Variants in TAF6 observed in about 807,000 individuals in gnomAD.
The protein encoded by TAF6 is TATA-box binding protein associated factor 6, also known as transcription initiation factor TFIID subunit 6.
A neutral mutation model predicts 73.5 loss-of-function variants in TAF6; 50 were observed. The ratio of observed to expected loss-of-function variants is 0.68; its 90% CI spans 0.54 to 0.86. TAF6 has a LOEUF of 0.86. TAF6 is among the 40% of genes least tolerant of loss of function. The probability of loss-of-function intolerance (pLI) is 0.00; values close to 1 mark genes in which losing one functional copy is unlikely to be tolerated. For synonymous variants in TAF6, 424 were observed against 376.7 expected (o/e 1.13, Z -1.45); for missense variants, 768 against 899.5 (o/e 0.85, Z 1.87).
chr7:100,111,885 A>G, intron 8 of TAF6, 37 bp downstream of exon 8: 1 of 1,614,118 alleles, frequency 6.2e-7, no homozygotes, highest in Non-Finnish European at 8.5e-7. Context: ...AGGAGCTTCC[A>G]CTGCCGTCCC....
At chr7:100,121,109 T>TATATATATATAC (rs1407495343), upstream of TAF6, 24 of 25,930 alleles carry the variant, frequency 9.3e-4, no homozygotes, top group Non-Finnish European at 2.1e-3. Flanking sequence ...TATATATATA[T>TATATATATATAC]ATATATATTT....
At chr7:100,124,911 A>G in the TAF6 span, 1 of 1,563,660 alleles carries the variant, frequency 6.4e-7, no homozygotes. Flanking sequence ...AGCCCCCAGG[A>G]GGGGAAGGGA....
rs1045136764 is a variant in TAF6, at chr7:100,108,297, G to A, written c.1458+70C>T. ...TGACTGAGGGCACATGTGGCTGTGT[G>A]CAAGTGCCTGTCCCACACAGGGGTT... On this transcript the variant is annotated intron_variant, in intron 13 of 14. Transcript: ENST00000453269. The A allele has an allele frequency of 9.2e-6, 14 of 1,522,910 alleles. No individual in the cohort carries two copies. The Middle Eastern group carries it at 1.4e-3, about 154-fold the overall frequency. The allele number at this position is 1,522,910 out of a possible 1,614,324, so 94.3% of individuals were successfully genotyped here.
At position 100,110,132 on chromosome 7, in the gene TAF6, G is replaced by A. The variant is rs1310894102; in HGVS notation, c.1159-59C>T. ...AGGGTCACCAGGGTCTCCCAGATGG[G>A]GGTACAGTGCCCTCTATAACCTCAT... On this transcript the variant is annotated intron_variant, in intron 11 of 14. Coordinates refer to ENST00000453269, the MANE Select transcript of TAF6 (RefSeq NM_139315.3). 8.1e-6 allele frequency: 13 copies of A among 1,613,916 alleles called. No individual in the cohort carries two copies. The East Asian group carries it at 2.7e-4, about 33-fold the overall frequency.
At chr7:100,127,115 G>A in the TAF6 span, 9 of 490,718 alleles carry the variant, frequency 1.8e-5, no homozygotes, top group Admixed American at 3.9e-5. The surrounding 1 kb of genome is among the most constrained non-coding windows in gnomAD (Gnocchi z 4.6). Context: ...ATAGCCTTTG[G>A]AGGGTGACGG....
upstream of TAF6, chr7:100,121,136 T>A (rs1420962493): frequency 6.8e-4 from 73 of 107,010 alleles, no homozygotes; most frequent in Middle Eastern, 4.5e-3. Context: ...TTTTTTTTTT[T>A]TTTTTTTTTT....
At position 100,114,226 on chromosome 7, in the gene TAF6, T is replaced by C. The variant is rs1485465746; in HGVS notation, c.-17A>G. Reference sequence around the variant, plus strand: ...CTCAGCCATTCTGGAGTCCCTCTTCTCCTCCCTGGAAGGATGAAGCCCCCG... The same window carrying C: ...CTCAGCCATTCTGGAGTCCCTCTTCCCCTCCCTGGAAGGATGAAGCCCCCG... On this transcript the variant is annotated 5_prime_UTR_variant, in exon 2 of 15. Coordinates refer to ENST00000453269, the MANE Select transcript of TAF6 (RefSeq NM_139315.3). 1 of 1,613,630 alleles carries C rather than the reference T, an allele frequency of 6.2e-7. No homozygotes were observed. Among genetic ancestry groups the C allele is most frequent in the Non-Finnish European group, 8.5e-7 (1 of 1,179,982 alleles).
chr7:100,122,300 C>T (rs139327006), upstream of TAF6: 74 of 1,613,510 alleles, frequency 4.6e-5, no homozygotes, highest in Middle Eastern at 8.2e-4. Context: ...GGAACTGAGT[C>T]GCACCGGTCG....
At chr7:100,113,463 C>T (rs1172232087) in intron 4 of TAF6, 58 bp from the exon 5 acceptor site, 1 of 1,532,298 alleles carries the variant, frequency 6.5e-7, no homozygotes, top group African/African-American at 1.4e-5. Flanking sequence ...GGGAGTTGCC[C>T]CATGCTATGG....
rs4134897 is a variant in TAF6, at chr7:100,114,103, C to G, written c.107G>C (p.Cys36Ser). Residue 36 changes from cysteine (C) to serine (S), a missense_variant, in exon 2 of 15, where the codon TGC (cysteine) becomes TCC (serine). Coordinates refer to ENST00000453269, the MANE Select transcript of TAF6 (RefSeq NM_139315.3). ...MGIAQIQEET[C>S]QLLTDEVSYR... Reference sequence around the variant, plus strand: ...GCTGACCTCATCCGTTAGCAGCTGGCAGGTCTCCTCCTGAATCTGGGCGAT... The same window carrying G: ...GCTGACCTCATCCGTTAGCAGCTGGGAGGTCTCCTCCTGAATCTGGGCGAT... 486 of 1,614,216 alleles carry G rather than the reference C, an allele frequency of 3.0e-4. No homozygotes were observed. The highest frequency in any genetic ancestry group is 3.8e-4 in the Non-Finnish European group (452 of 1,180,048).
chr7:100,115,012 A>C (rs960294932), intron 1 of TAF6, among the ~76,000 whole-genome samples: 1 of 152,062 alleles, frequency 6.6e-6, no homozygotes, highest in Non-Finnish European at 1.5e-5. Flanking sequence ...GTGTACCACT[A>C]CACACAGCCA....
rs1796948045 is a variant in TAF6, at chr7:100,109,407, T to A, written c.1284+541A>T. On this transcript the variant is annotated intron_variant, in intron 12 of 14. Coordinates refer to ENST00000453269, the MANE Select transcript of TAF6 (RefSeq NM_139315.3). ...CTAAATACTGTGGCAGGATGGTTAA[T>A]CAAGAGCGCATTTGCCTTGTACAGA... 2.0e-5 allele frequency among the ~76,000 whole-genome samples: 3 copies of A among 151,836 alleles called. No homozygotes were observed. The South Asian group carries it at 6.2e-4, about 32-fold the overall frequency.
the TAF6 span, among the ~76,000 whole-genome samples, chr7:100,125,693 T>C: frequency 6.6e-6 from 1 of 152,096 alleles, no homozygotes; most frequent in African/African-American, 2.4e-5. Context: ...GCAGCGCCTG[T>C]AGTCCCAGTT....
chr7:100,118,952 A>G (rs1797911269), intron 1 of TAF6: 2 of 985,352 alleles, frequency 2.0e-6, no homozygotes, highest in Non-Finnish European at 2.4e-6. Context: ...GAATCCTTCA[A>G]TACCCGGCGG....
upstream of TAF6, chr7:100,119,603 C>T (rs899824889): frequency 6.5e-7 from 1 of 1,542,386 alleles, no homozygotes; most frequent in Non-Finnish European, 8.8e-7. Context: ...AGGCCCCACC[C>T]TTGTTGGGCT....
Position 100,107,121 on chromosome 7 carries a change from TA to T in TAF6, c.*124del. The T allele has an allele frequency of 1.4e-6, 2 of 1,396,370 alleles. No homozygotes were observed. The highest frequency in any genetic ancestry group is 9.5e-7 in the Non-Finnish European group (1 of 1,049,460). The allele number at this position is 1,396,370 out of a possible 1,614,324, so 86.5% of individuals were successfully genotyped here. On this transcript the variant is annotated 3_prime_UTR_variant, in exon 15 of 15. Transcript: ENST00000453269. ...TCTGAGAAACTGGCTGTACAATATC[TA>T]AAAAGAAAGTGACATGAAGGAAGCA...
Position 100,108,118 on chromosome 7 carries a change from C to T in TAF6, c.1464G>A (p.Arg488=), listed in dbSNP as rs1390740484. The change falls in exon 14 of 15, where the codon CGG becomes CGA. Residue 488 remains arginine (R), a synonymous_variant. Coordinates refer to ENST00000453269, the MANE Select transcript of TAF6 (RefSeq NM_139315.3). ...GGGCCTGCGAGAGGGTCAGCGTGGG[C>T]CGGGGCTGCGGGGAGAAGAGGAAAG... The part of the protein sequence containing the change: ...NRTTLTITQP[R]PTLTLSQAPQ... 1.3e-6 allele frequency: 2 copies of T among 1,598,110 alleles called. No homozygotes were observed. Among genetic ancestry groups the T allele is most frequent in the Non-Finnish European group, 1.7e-6 (2 of 1,174,762 alleles).
Position 100,110,198 on chromosome 7 carries a change from A to ACAT in TAF6, c.1157_1158+1dup. On this transcript the variant is annotated splice_donor_variant, in intron 11 of 14. Coordinates refer to ENST00000453269, the MANE Select transcript of TAF6 (RefSeq NM_139315.3). LOFTEE classifies it high-confidence loss of function. Reference sequence around the variant, plus strand: ...CCCATTTCTTCCTCCCAGAGGCCTAACATCGTGTCCCAGCTCAGCCAAGCC... The same window carrying ACAT: ...CCCATTTCTTCCTCCCAGAGGCCTAACATCATCGTGTCCCAGCTCAGCCAAGCC... 6.2e-7 allele frequency: 1 copy of ACAT among 1,614,102 alleles called. No homozygotes were observed. Among genetic ancestry groups the ACAT allele is most frequent in the Non-Finnish European group, 8.5e-7 (1 of 1,180,000 alleles).
At chr7:100,122,048 TG>T, upstream of TAF6, 1 of 309,976 alleles carries the variant, frequency 3.2e-6, no homozygotes, top group South Asian at 2.4e-5. Context: ...AGAGTCCGTC[TG>T]AAAAAAAAAA....
Sources: gnomAD v4.1 joint callset for allele counts (sites outside exome capture counted in the v4.1 genomes callset) on GRCh38, gnomAD v4.1.1 for gene constraint, Gnocchi (gnomAD v3.1) non-coding constraint, MANE v1.5 for transcripts, NCBI Gene and HGNC (gene_info 2026-07-23, HGNC 2026-07-21) for gene names.